Variants in SNRNP200 observed in about 807,000 individuals in gnomAD.
SNRNP200 encodes the protein small nuclear ribonucleoprotein U5 subunit 200.
A neutral mutation model predicts 255.2 loss-of-function variants in SNRNP200; 66 were observed. The ratio of observed to expected loss-of-function variants is 0.26; its 90% CI spans 0.21 to 0.32. The LOEUF is 0.32. Ranked by LOEUF, SNRNP200 falls within the 10% of genes least tolerant of loss-of-function variation. The pLI, the probability that SNRNP200 is intolerant of heterozygous loss-of-function variation, is 1.00. For missense variants in SNRNP200, 1,585 were observed against 2,749.8 expected, an observed-to-expected ratio of 0.58 and a Z score of 9.47; for synonymous variants, 939 against 1,027.8, an observed-to-expected ratio of 0.91 and a Z score of 1.65.
At position 96,295,650 on chromosome 2, in the gene SNRNP200, G is replaced by A. The variant is rs1240013494; in HGVS notation, c.1680C>T (p.Ala560=). The change falls in exon 14 of 45, where the codon GCC becomes GCT. Residue 560 remains alanine (A), a synonymous_variant. Transcript: ENST00000323853. ...GTTCAGCAACAGTGATGCCATAAGT[G>A]GCCAGGCGCTGTGGGAGGAAAACTA... ...EMVGSFGKRL[A]TYGITVAELT... is the part of the protein sequence containing the mutation. 1.9e-6 allele frequency: 3 copies of A among 1,613,688 alleles called. No homozygotes were observed. The East Asian group carries it at 6.7e-5, about 36-fold the overall frequency.
chr2:96,285,252 G>C lies in SNRNP200; in HGVS notation c.4092C>G (p.Ile1364Met). Residue 1364 changes from isoleucine to methionine, a missense_variant, in exon 30 of 45, where the codon ATC becomes ATG. Physicochemically the swap from Ile to Met is conservative, Grantham distance 10. Transcript: ENST00000323853. ...SGKTICAEFA[I>M]LRMLLQSSEG... ...CCGAGCTCTGCAGCAGCATTCGCAG[G>C]ATGGCAAACTCTGCACAAATAGTCT... The C allele has an allele frequency of 6.2e-7, 1 of 1,614,192 alleles. No homozygotes were observed. The highest frequency in any genetic ancestry group is 8.5e-7 in the Non-Finnish European group (1 of 1,180,040).
In SNRNP200 at chr2:96,290,136, T is replaced by C. The variant is rs1364742474; in HGVS notation, c.2743-140A>G. On this transcript the variant is annotated intron_variant, in intron 20 of 44. Coordinates refer to ENST00000323853, the MANE Select transcript of SNRNP200 (RefSeq NM_014014.5). This position sits in a 1 kb window ranked among gnomAD's most constrained non-coding sequence, Gnocchi z 4.5. ...TATTCTGAATGTTTTTAGCATTTCA[T>C]TATTAAAAAGATCTAAGCGTCTTCT... 1.9e-6 allele frequency: 2 copies of C among 1,055,212 alleles called. No homozygotes were observed. Among genetic ancestry groups the C allele is most frequent in the Non-Finnish European group, 2.9e-6 (2 of 682,608 alleles). The allele number at this position is 1,055,212 out of a possible 1,614,324, so 65.4% of individuals were successfully genotyped here.
chr2:96,284,893 G>A (rs1009196622), intron 30 of SNRNP200: 2 of 530,042 alleles, frequency 3.8e-6, no homozygotes, highest in Non-Finnish European at 6.8e-6. Context: ...GGGATTACAG[G>A]CGCACACCAC....
Position 96,286,323 on chromosome 2 carries a change from T to C in SNRNP200, c.3991A>G (p.Ile1331Val). 1 of 1,613,832 alleles carries C rather than the reference T, an allele frequency of 6.2e-7. No individual in the cohort carries two copies. Among genetic ancestry groups the C allele is most frequent in the Non-Finnish European group, 8.5e-7 (1 of 1,179,870 alleles). The part of the protein sequence containing the change: ...YQDKFPFFNP[I>V]QTQVFNTVYN... Reference sequence around the variant, plus strand: ...TGGAAACACTTACCCTGGGTCTGGATGGGATTGAAGAAAGGAAATTTATCT... The same window carrying C: ...TGGAAACACTTACCCTGGGTCTGGACGGGATTGAAGAAAGGAAATTTATCT... The change falls in exon 29 of 45, where the codon ATC (isoleucine) becomes GTC (valine). Residue 1331 changes from isoleucine to valine, a missense_variant. By Grantham distance (29) the Ile-to-Val change is conservative. Transcript: ENST00000323853. This position sits in a 1 kb window ranked among gnomAD's most constrained non-coding sequence, Gnocchi z 4.8.
chr2:96,301,657 C>T lies in SNRNP200; in HGVS notation c.441G>A (p.Lys147=), dbSNP rs146883748. The change falls in exon 4 of 45, where the codon AAG becomes AAA. Residue 147 remains lysine (K), a synonymous_variant. Coordinates refer to ENST00000323853, the MANE Select transcript of SNRNP200 (RefSeq NM_014014.5). ...DEVLAVLKNE[K]LRDKERRKEI... Reference sequence around the variant, plus strand: ...CCTTTCGCCTTTCCTTGTCCCGCAGCTTTTCATTCTTTAGAACAGCTAGAA... The same window carrying T: ...CCTTTCGCCTTTCCTTGTCCCGCAGTTTTTCATTCTTTAGAACAGCTAGAA... 44 of 1,614,220 alleles carry T rather than the reference C, an allele frequency of 2.7e-5. No homozygotes were observed. The highest frequency in any genetic ancestry group is 1.6e-4 in the Middle Eastern group (1 of 6,062).
intron 22 of SNRNP200, 32 bp downstream of exon 22, chr2:96,289,195 A>G (rs1265775508): frequency 8.1e-6 from 13 of 1,613,722 alleles, no homozygotes; most frequent in Admixed American, 1.7e-5. Context: ...GTGAGCACCA[A>G]CTCCCCGCCC....
At chr2:96,275,422 G>A in intron 43 of SNRNP200, 73 bp from the exon 44 acceptor site, 1 of 1,268,722 alleles carries the variant, frequency 7.9e-7, no homozygotes, top group East Asian at 2.3e-5. Flanking sequence ...AAATGGTACA[G>A]TTACAAAAGA....
intron 3 of SNRNP200, among the ~76,000 whole-genome samples, chr2:96,302,404 C>T (rs141234370): frequency 6.6e-6 from 1 of 152,334 alleles, no homozygotes; most frequent in African/African-American, 2.4e-5. Context: ...GACACATGGT[C>T]TCATCCTCTG....
intron 11 of SNRNP200, 81 bp downstream of exon 11, chr2:96,297,282 C>A: frequency 1.3e-6 from 2 of 1,579,492 alleles, no homozygotes; most frequent in Non-Finnish European, 1.7e-6. Context: ...ATATATGAAA[C>A]AAGGCTACAT....
chr2:96,283,525 C>T lies in SNRNP200; in HGVS notation c.4763+10G>A. ...CTAACCCCAACCCCCAGACGCCAGG[C>T]CCCACCTACCTCTGCCGTTGGATGT... On this transcript the variant is annotated intron_variant, in intron 33 of 44. Coordinates refer to ENST00000323853, the MANE Select transcript of SNRNP200 (RefSeq NM_014014.5). The surrounding 1 kb of genome is among the most constrained non-coding windows in gnomAD (Gnocchi z 4.7). The T allele has an allele frequency of 6.2e-7, 1 of 1,614,126 alleles. No homozygotes were observed. Among genetic ancestry groups the T allele is most frequent in the Non-Finnish European group, 8.5e-7 (1 of 1,180,024 alleles).
rs1197105171 is a variant in SNRNP200, at chr2:96,284,292, A to G, written c.4392+66T>C. ...GCCTCCGTCCTCAGACCCAAACATTAGGTCCAATGCCAAGGCCACTTGGTC... is the reference window on the plus strand; with the variant it reads ...GCCTCCGTCCTCAGACCCAAACATTGGGTCCAATGCCAAGGCCACTTGGTC... On this transcript the variant is annotated intron_variant, in intron 31 of 44. Transcript: ENST00000323853. 11 of 1,381,870 alleles carry G rather than the reference A, an allele frequency of 8.0e-6. No individual in the cohort carries two copies. The African/African-American group carries it at 1.0e-4, about 13-fold the overall frequency. 85.6% of individuals were successfully genotyped at this position (1,381,870 alleles called of 1,614,324 possible). A position where few individuals can be genotyped will look rare whatever the true frequency, so the allele number is the denominator to read the frequency against.
At chr2:96,305,324 TC>T (rs935220710) in intron 1 of SNRNP200, 68 bp downstream of exon 1, 7 of 1,593,614 alleles carry the variant, frequency 4.4e-6, no homozygotes, top group Non-Finnish European at 6.0e-6. Flanking sequence ...AGACTGAAAC[TC>T]CCTTTTTCAG....
At position 96,278,181 on chromosome 2, in the gene SNRNP200, C is replaced by T; in HGVS notation, c.5610+56G>A. The T allele has an allele frequency of 1.9e-6, 3 of 1,613,192 alleles. No individual in the cohort carries two copies. The highest frequency in any genetic ancestry group is 1.7e-6 in the Non-Finnish European group (2 of 1,179,592). ...TGGCAGGGATGCCATGTGCTCTGGG[C>T]ACACAGGCCGAGTTTGTTGTTCCCA... is the stretch of plus-strand genomic sequence containing the variant. On this transcript the variant is annotated intron_variant, in intron 39 of 44. Coordinates refer to ENST00000323853, the MANE Select transcript of SNRNP200 (RefSeq NM_014014.5). This position sits in a 1 kb window ranked among gnomAD's most constrained non-coding sequence, Gnocchi z 6.9.
chr2:96,277,310 G>T lies in SNRNP200; in HGVS notation c.5932-69C>A, dbSNP rs954881502. The T allele has an allele frequency of 1.3e-6, 2 of 1,552,960 alleles. No individual in the cohort carries two copies. Among genetic ancestry groups the T allele is most frequent in the African/African-American group, 2.7e-5 (2 of 73,652 alleles). Reference sequence around the variant, plus strand: ...AACAGCAAATGACACAGGCAGCAAAGAGCTACTAATTTTACCTCCTACACT... The same window carrying T: ...AACAGCAAATGACACAGGCAGCAAATAGCTACTAATTTTACCTCCTACACT... On this transcript the variant is annotated intron_variant, in intron 41 of 44. Coordinates refer to ENST00000323853, the MANE Select transcript of SNRNP200 (RefSeq NM_014014.5). This position sits in a 1 kb window ranked among gnomAD's most constrained non-coding sequence, Gnocchi z 4.4.
At chr2:96,280,168 T>A (rs1237450516) in intron 35 of SNRNP200, among the ~76,000 whole-genome samples, 1 of 152,156 alleles carries the variant, frequency 6.6e-6, no homozygotes, top group Non-Finnish European at 1.5e-5. Flanking sequence ...GTAAATAAAA[T>A]TCATTTCAAA....
At position 96,277,341 on chromosome 2, in the gene SNRNP200, G is replaced by A. The variant is rs755837240; in HGVS notation, c.5932-100C>T. On this transcript the variant is annotated intron_variant, in intron 41 of 44. Coordinates refer to ENST00000323853, the MANE Select transcript of SNRNP200 (RefSeq NM_014014.5). This position sits in a 1 kb window ranked among gnomAD's most constrained non-coding sequence, Gnocchi z 4.4. ...CTAATTTTACCTCCTACACTATCAA[G>A]TCATCTAGATAAAACAGCTGCAGAA... The A allele has an allele frequency of 1.9e-5, 26 of 1,382,330 alleles. No individual in the cohort carries two copies. The highest frequency in any genetic ancestry group is 2.7e-5 in the Non-Finnish European group (26 of 973,884). The allele number at this position is 1,382,330 out of a possible 1,614,324, so 85.6% of individuals were successfully genotyped here.
At position 96,297,384 on chromosome 2, in the gene SNRNP200, G is replaced by A. The variant is rs2063923522; in HGVS notation, c.1356C>T (p.Pro452=). The A allele has an allele frequency of 6.2e-7, 1 of 1,613,804 alleles. No homozygotes were observed. Among genetic ancestry groups the A allele is most frequent in the Non-Finnish European group, 8.5e-7 (1 of 1,180,026 alleles). The change falls in exon 11 of 45, where the codon CCC becomes CCT. Residue 452 remains proline, a synonymous_variant. Coordinates refer to ENST00000323853, the MANE Select transcript of SNRNP200 (RefSeq NM_014014.5). ...YEEVHVPALK[P]KPFGSEEQLL... is the part of the protein sequence containing the mutation. ...TTACTTCTTCTGAGCCAAAGGGCTT[G>A]GGCTTCAGAGCAGGCACATGCACCT... is the stretch of plus-strand genomic sequence containing the variant.
At chr2:96,295,383 G>A in intron 14 of SNRNP200, 105 bp downstream of exon 14, 1 of 1,472,328 alleles carries the variant, frequency 6.8e-7, no homozygotes, top group Non-Finnish European at 9.5e-7. Flanking sequence ...CATTACAAAG[G>A]CTAGTGCCTA....
rs1267582561 is a variant in SNRNP200 at position 96,286,755 on chromosome 2, G to A, written c.3762C>T (p.Phe1254=). 1.9e-5 allele frequency: 31 copies of A among 1,614,114 alleles called. No individual in the cohort carries two copies. The highest frequency in any genetic ancestry group is 2.1e-5 in the Non-Finnish European group (25 of 1,180,048). ...GCAGCGGTTCAAAGACAGGCACGAA[G>A]AATGTAATGAGGTGCTCGTCCTGGG... ...KYAQDEHLIT[F]FVPVFEPLPP... is the part of the protein sequence containing the mutation. Residue 1254 remains phenylalanine, a synonymous_variant, in exon 28 of 45, where the codon TTC becomes TTT. Coordinates refer to ENST00000323853, the MANE Select transcript of SNRNP200 (RefSeq NM_014014.5). The surrounding 1 kb of genome is among the most constrained non-coding windows in gnomAD (Gnocchi z 4.8).
Sources: allele counts gnomAD v4.1 joint callset (sites outside exome capture counted in the v4.1 genomes callset), GRCh38; gene constraint gnomAD v4.1.1; non-coding constraint Gnocchi (gnomAD v3.1); transcripts MANE v1.5; gene names NCBI Gene and HGNC (gene_info 2026-07-23, HGNC 2026-07-21).